MIS18BP1: variants seen among roughly 807,000 people sequenced by gnomAD.
MIS18BP1 encodes MIS18 binding protein 1, also known as mis18-binding protein 1.
Under a neutral mutation model 116.1 loss-of-function variants are expected in MIS18BP1, and 72 were observed. The observed-to-expected ratio is 0.62, with a 90% CI of 0.51 to 0.75. The LOEUF is 0.75. Among genes scored for constraint, MIS18BP1 ranks in the 30% least tolerant of loss-of-function variants. The pLI, the probability that MIS18BP1 is intolerant of heterozygous loss-of-function variation, is 0.00. For synonymous variants in MIS18BP1, 386 were observed against 427.0 expected, an observed-to-expected ratio of 0.90 and a Z score of 1.18; for missense variants, 1,363 against 1,303.2, an observed-to-expected ratio of 1.05 and a Z score of -0.71.
chr14:45,221,387 A>C (rs1347463920), intron 11 of MIS18BP1, among the ~76,000 whole-genome samples: 1 of 152,188 alleles, frequency 6.6e-6, no homozygotes, highest in Non-Finnish European at 1.5e-5. Context: ...CAGTGAGCAG[A>C]GATCGCGCCA....
At chr14:45,210,613 G>A (rs1239952761) in intron 13 of MIS18BP1, 85 bp from the exon 14 acceptor site, 1 of 1,521,580 alleles carries the variant, frequency 6.6e-7, no homozygotes, top group African/African-American at 1.4e-5. Flanking sequence ...GGACTGATAA[G>A]TTGGTTCTTC....
intron 4 of MIS18BP1, 149 bp from the exon 5 acceptor site, chr14:45,237,870 T>C (rs1317111790): frequency 4.4e-6 from 5 of 1,149,016 alleles, no homozygotes; most frequent in East Asian, 6.3e-5. Context: ...CTATTCTAAA[T>C]AGCAATAGGT....
intron 11 of MIS18BP1, among the ~76,000 whole-genome samples, chr14:45,219,578 A>C (rs1890917355): frequency 2.6e-5 from 4 of 152,210 alleles, no homozygotes; most frequent in Admixed American, 2.6e-4. Flanking sequence ...AGTTTATATA[A>C]TTTTTTAATG....
At position 45,237,638 on chromosome 14, in the gene MIS18BP1, G is replaced by C; in HGVS notation, c.1217+10C>G. ...GTTTTATTAAAAGAATAATGAAATA[G>C]TATACTTACATCAATTTTCCTTCTA... On this transcript the variant is annotated intron_variant, in intron 5 of 16. Transcript: ENST00000310806. 6.3e-7 allele frequency: 1 copy of C among 1,590,644 alleles called. No homozygotes were observed. The highest frequency in any genetic ancestry group is 8.5e-7 in the Non-Finnish European group (1 of 1,172,440).
intron 1 of MIS18BP1, among the ~76,000 whole-genome samples, chr14:45,248,226 C>T (rs1054171206): frequency 6.6e-6 from 1 of 151,794 alleles, no homozygotes; most frequent in Non-Finnish European, 1.5e-5. Flanking sequence ...CACCACCACA[C>T]CCGGCTAATT....
intron 1 of MIS18BP1, among the ~76,000 whole-genome samples, chr14:45,252,455 G>A (rs1891902721): frequency 6.6e-6 from 1 of 152,090 alleles, no homozygotes; most frequent in Non-Finnish European, 1.5e-5. Flanking sequence ...CTCTGGAAGC[G>A]GTGAACCAAA....
intron 4 of MIS18BP1, 169 bp downstream of exon 4, chr14:45,241,865 C>T: frequency 1.4e-6 from 1 of 704,684 alleles, no homozygotes. Context: ...CTATGTCACA[C>T]TGTCACTGCA....
intron 13 of MIS18BP1, among the ~76,000 whole-genome samples, chr14:45,212,725 C>T (rs1890709162): frequency 6.6e-6 from 1 of 152,176 alleles, no homozygotes; most frequent in South Asian, 2.1e-4. Context: ...GGGAGAAAGC[C>T]TCAAGTGAGC....
At chr14:45,234,442 TAGAC>T (rs1319018813) in intron 6 of MIS18BP1, among the ~76,000 whole-genome samples, 5 of 151,940 alleles carry the variant, frequency 3.3e-5, no homozygotes, top group Admixed American at 6.6e-5. Context: ...GAGGCTGACA[TAGAC>T]AGTAACGTGC....
intron 14 of MIS18BP1, among the ~76,000 whole-genome samples, chr14:45,208,350 G>C (rs1038703421): frequency 1.2e-4 from 5 of 40,968 alleles, no homozygotes; most frequent in Non-Finnish European, 2.6e-4. Context: ...TTTTTTTTTT[G>C]GAGACGGAGT....
At position 45,247,320 on chromosome 14, in the gene MIS18BP1, CAGA is replaced by C. The variant is rs1891751411; in HGVS notation, c.-37_-35del. 1 of 1,504,846 alleles carries C rather than the reference CAGA, an allele frequency of 6.6e-7. No homozygotes were observed. The allele number at this position is 1,504,846 out of a possible 1,614,324, so 93.2% of individuals were successfully genotyped here. ...GAAAGTAGCAACCAAGTTCTTCTAA[CAGA>C]AAATTCACTTAAGCGCAATTTTCAG... On this transcript the variant is annotated 5_prime_UTR_variant, in exon 2 of 17. Coordinates refer to ENST00000310806, the MANE Select transcript of MIS18BP1 (RefSeq NM_018353.5).
chr14:45,207,771 T>G (rs1045863279), intron 14 of MIS18BP1, among the ~76,000 whole-genome samples: 2 of 152,226 alleles, frequency 1.3e-5, no homozygotes, highest in Admixed American at 6.5e-5. Context: ...ACTGTTTGAT[T>G]ACTTAAAACT....
rs149590084 is a variant in MIS18BP1, at chr14:45,208,634, G to T, written c.3152+1746C>A. On this transcript the variant is annotated intron_variant, in intron 14 of 16. Coordinates refer to ENST00000310806, the MANE Select transcript of MIS18BP1 (RefSeq NM_018353.5). ...GGTGTGAGCTACCGCGCCCGGCCAC[G>T]GATGAATATTTTAAGGCTTTTGATG... Among the ~76,000 whole-genome samples the T allele has an allele frequency of 8.0e-4, 121 of 152,000 alleles. No homozygotes were observed. In the Middle Eastern group the frequency reaches 0.01, roughly 13 times the overall value.
intron 6 of MIS18BP1, among the ~76,000 whole-genome samples, chr14:45,234,526 T>C (rs747757027): frequency 4.6e-5 from 7 of 152,142 alleles, no homozygotes; most frequent in Non-Finnish European, 7.4e-5. Flanking sequence ...AATATCCTGA[T>C]TGTTCCTCTT....
chr14:45,211,026 C>A (rs972057698), intron 13 of MIS18BP1, among the ~76,000 whole-genome samples: 6 of 152,188 alleles, frequency 3.9e-5, no homozygotes, highest in African/African-American at 1.4e-4. Flanking sequence ...TGGCTTCAAA[C>A]CATGTTTTAA....
At chr14:45,237,868 A>T in intron 4 of MIS18BP1, 147 bp from the exon 5 acceptor site, 1 of 1,168,682 alleles carries the variant, frequency 8.6e-7, no homozygotes, top group Non-Finnish European at 1.1e-6. Context: ...TTCTATTCTA[A>T]ATAGCAATAG....
At chr14:45,213,483 C>G (rs910869995) in intron 13 of MIS18BP1, among the ~76,000 whole-genome samples, 9 of 152,162 alleles carry the variant, frequency 5.9e-5, no homozygotes, top group African/African-American at 2.2e-4. Flanking sequence ...ACACCTATTT[C>G]TGAAGGTTAT....
intron 9 of MIS18BP1, 104 bp from the exon 10 acceptor site, chr14:45,226,940 T>TAA (rs1891138866): frequency 7.1e-6 from 7 of 987,504 alleles, no homozygotes; most frequent in Non-Finnish European, 9.3e-6. Flanking sequence ...TCTAGGTACT[T>TAA]ACAGTTCCGC....
chr14:45,210,154 T>A, intron 14 of MIS18BP1: 1 of 387,878 alleles, frequency 2.6e-6, no homozygotes. Flanking sequence ...CTTGATCCAT[T>A]TCGAATTGAT....
Sources: gnomAD v4.1 joint callset for allele counts (sites outside exome capture counted in the v4.1 genomes callset) on GRCh38, gnomAD v4.1.1 for gene constraint, MANE v1.5 for transcripts, NCBI Gene and HGNC (gene_info 2026-07-23, HGNC 2026-07-21) for gene names.